CAPRIN2: variants seen among roughly 807,000 people sequenced by gnomAD.
CAPRIN2 encodes the protein caprin-2.
A neutral mutation model predicts 130.4 loss-of-function variants in CAPRIN2; 66 were observed. The observed-to-expected ratio is 0.51, with a 90% CI of 0.42 to 0.62. CAPRIN2 has a LOEUF of 0.62. Among genes scored for constraint, CAPRIN2 ranks in the 20% least tolerant of loss-of-function variants. CAPRIN2 has a pLI of 0.00. For missense variants in CAPRIN2, 1,185 were observed against 1,246.6 expected, an observed-to-expected ratio of 0.95 and a Z score of 0.74; for synonymous variants, 471 against 444.1, an observed-to-expected ratio of 1.06 and a Z score of -0.76.
At chr12:30,718,585 A>C (rs1342047857) in intron 12 of CAPRIN2, among the ~76,000 whole-genome samples, 1 of 152,240 alleles carries the variant, frequency 6.6e-6, no homozygotes, top group Non-Finnish European at 1.5e-5. Context: ...TTTGTAGAAA[A>C]ATACGTAATT....
intron 2 of CAPRIN2, among the ~76,000 whole-genome samples, chr12:30,747,767 G>T (rs115257487): frequency 6.6e-6 from 1 of 152,042 alleles, no homozygotes. Flanking sequence ...AAAGTAAATT[G>T]AAAAGTTTCT....
chr12:30,731,355 C>T (rs2062619964), exon 6 of CAPRIN2: 2 of 1,612,142 alleles, frequency 1.2e-6, no homozygotes, highest in Admixed American at 1.7e-5. Context: ...GACTCTTTGA[C>T]AGATTCAGTC....
chr12:30,729,268 G>T (rs2061840298), exon 8 of CAPRIN2: 2 of 1,602,800 alleles, frequency 1.2e-6, no homozygotes, highest in Non-Finnish European at 1.7e-6. Flanking sequence ...TCCCAAGGTT[G>T]CTCTTCGCCT....
chr12:30,710,116 T>C lies in CAPRIN2; in HGVS notation c.3020A>G (p.Asn1007Ser). Residue 1007 changes from asparagine to serine, a missense_variant, in exon 17 of 17, where the codon AAT becomes AGT. By Grantham distance (46) the Asn-to-Ser change is conservative. Around this residue, in one of 2 missense-constraint regions of CAPRIN2, gnomAD observed 81 missense variants for 142.2 expected, o/e 0.57. Transcript: ENST00000298892. The surrounding 1 kb of genome is among the most constrained non-coding windows in gnomAD (Gnocchi z 4.8). Reference sequence around the variant, plus strand: ...CATGAGGTTGACATACAGTGGCACATTCACTGCCAGCTTTAGCATGTGAAA... The same window carrying C: ...CATGAGGTTGACATACAGTGGCACACTCACTGCCAGCTTTAGCATGTGAAA... 1 of 1,614,134 alleles carries C rather than the reference T, an allele frequency of 6.2e-7. No homozygotes were observed. Among genetic ancestry groups the C allele is most frequent in the Non-Finnish European group, 8.5e-7 (1 of 1,180,006 alleles).
intron 12 of CAPRIN2, 139 bp from the exon 14 acceptor site, chr12:30,719,364 G>T: frequency 3.2e-6 from 3 of 942,934 alleles, no homozygotes; most frequent in African/African-American, 1.7e-5. Context: ...AATAGCTTTT[G>T]CTTACAATTT....
chr12:30,710,005 A>T lies in CAPRIN2; in HGVS notation c.3131T>A (p.Leu1044His). ...TAACCATATCTGGTCTCCCTGGAAG[A>T]GCTGAAGAATTGCATGATTGCTAGC... Residue 1044 changes from leucine to histidine, a missense_variant, in exon 17 of 17, where the codon CTC becomes CAC. Leu to His is a moderately conservative substitution (Grantham distance 99). Around this residue, in one of 2 missense-constraint regions of CAPRIN2, gnomAD observed 81 missense variants for 142.2 expected, o/e 0.57. Coordinates refer to ENST00000298892, the Ensembl canonical transcript of CAPRIN2. This position sits in a 1 kb window ranked among gnomAD's most constrained non-coding sequence, Gnocchi z 4.8. The T allele has an allele frequency of 6.2e-7, 1 of 1,614,142 alleles. No homozygotes were observed. Among genetic ancestry groups the T allele is most frequent in the African/African-American group, 1.3e-5 (1 of 75,032 alleles).
At chr12:30,730,206 T>C (rs757319639) in intron 7 of CAPRIN2, 33 bp downstream of exon 8, 2 of 1,584,272 alleles carry the variant, frequency 1.3e-6, no homozygotes, top group African/African-American at 1.3e-5. Flanking sequence ...GGCTGAAAAA[T>C]CAACATCAGC....
Position 30,731,376 on chromosome 12 carries a change from G to C in CAPRIN2, c.1027C>G (p.Gln343Glu), listed in dbSNP as rs750568502. 5 of 1,612,822 alleles carry C rather than the reference G, an allele frequency of 3.1e-6. No individual in the cohort carries two copies. The South Asian group carries it at 4.4e-5, about 14-fold the overall frequency. Residue 343 changes from glutamine (Q) to glutamate (E), a missense_variant, in exon 6 of 17, where the codon CAA becomes GAA. Physicochemically the swap from Gln to Glu is conservative, Grantham distance 29. Around this residue, in one of 2 missense-constraint regions of CAPRIN2, gnomAD observed 1,104 missense variants for 1,104.3 expected, o/e 1.00. Transcript: ENST00000298892. ...TTGACAGATTCAGTCTTCGATAATT[G>C]TGTTTTTTTCTCTGATTGTATTAGC... is the stretch of plus-strand genomic sequence containing the variant.
intron 2 of CAPRIN2, among the ~76,000 whole-genome samples, chr12:30,750,288 G>T (rs1353730190): frequency 6.6e-6 from 1 of 152,146 alleles, no homozygotes; most frequent in African/African-American, 2.4e-5. Context: ...TATAGCGAAA[G>T]ATTTCAGTTG....
chr12:30,736,411 C>A (rs956212189), intron 3 of CAPRIN2, among the ~76,000 whole-genome samples: 60 of 140,806 alleles, frequency 4.3e-4, no homozygotes, highest in African/African-American at 1.3e-3. Flanking sequence ...AAAAAAAAAA[C>A]CACTAAGATT....
intron 2 of CAPRIN2, among the ~76,000 whole-genome samples, chr12:30,749,419 T>G (rs2072524705): frequency 6.6e-6 from 1 of 152,128 alleles, no homozygotes; most frequent in Non-Finnish European, 1.5e-5. Flanking sequence ...TGAACAGACT[T>G]GGAGAGGGCA....
chr12:30,743,814 C>T (rs2068616109), intron 2 of CAPRIN2, among the ~76,000 whole-genome samples: 1 of 152,146 alleles, frequency 6.6e-6, no homozygotes, highest in Non-Finnish European at 1.5e-5. Flanking sequence ...TCCTAGGCTT[C>T]TCTATTCTGC....
intron 12 of CAPRIN2, 142 bp from the exon 15 acceptor site, chr12:30,716,818 T>C: frequency 3.0e-6 from 2 of 666,638 alleles, no homozygotes; most frequent in Non-Finnish European, 2.6e-6. Flanking sequence ...AGAAGATAAA[T>C]GGCAAATAAG....
At chr12:30,714,096 T>A (rs898155453) in intron 14 of CAPRIN2, among the ~76,000 whole-genome samples, 11 of 152,206 alleles carry the variant, frequency 7.2e-5, no homozygotes, top group Non-Finnish European at 1.5e-4. Context: ...GTTTATAAAT[T>A]TACTACTGCT....
At chr12:30,744,498 T>C (rs933043713) in intron 2 of CAPRIN2, among the ~76,000 whole-genome samples, 1 of 152,198 alleles carries the variant, frequency 6.6e-6, no homozygotes, top group African/African-American at 2.4e-5. Flanking sequence ...AATCTGTTCC[T>C]TCTCAGAGCC....
chr12:30,753,388 G>A (rs201494597), exon 1 of CAPRIN2: 1 of 1,613,590 alleles, frequency 6.2e-7, no homozygotes, highest in Non-Finnish European at 8.5e-7. Context: ...AGGCATATGA[G>A]TCCATTTTCA....
At chr12:30,745,621 C>T (rs1021207888) in intron 2 of CAPRIN2, among the ~76,000 whole-genome samples, 1 of 151,974 alleles carries the variant, frequency 6.6e-6, no homozygotes, top group African/African-American at 2.4e-5. Context: ...AATACAATAT[C>T]AAATCAAATA....
At chr12:30,728,761 G>A (rs1047223378) in exon 8 of CAPRIN2, 2 of 1,614,010 alleles carry the variant, frequency 1.2e-6, no homozygotes, top group Non-Finnish European at 1.7e-6. Context: ...GTTAAAGAGT[G>A]TTTTTGACTC....
intron 3 of CAPRIN2, among the ~76,000 whole-genome samples, chr12:30,735,724 T>C (rs1236984976): frequency 6.6e-6 from 1 of 152,234 alleles, no homozygotes; most frequent in Non-Finnish European, 1.5e-5. Flanking sequence ...AGCAAACATG[T>C]TATTTTGTTT....
Sources: gnomAD v4.1 joint callset for allele counts (sites outside exome capture counted in the v4.1 genomes callset) on GRCh38, gnomAD v4.1.1 for gene constraint, gnomAD v4.1.1 regional missense constraint, Gnocchi (gnomAD v3.1) non-coding constraint, MANE v1.5 for transcripts, NCBI Gene and HGNC (gene_info 2026-07-23, HGNC 2026-07-21) for gene names.